Variants in SLIT3 observed in about 807,000 individuals in gnomAD.
The protein encoded by SLIT3 is slit homolog 3 protein.
A neutral mutation model predicts 184.0 loss-of-function variants in SLIT3; 68 were observed. The observed-to-expected ratio is 0.37, with a 90% CI of 0.30 to 0.45. The LOEUF is 0.45. SLIT3 is among the 20% of genes least tolerant of loss of function. The pLI is 1.00. For synonymous variants in SLIT3, 831 were observed against 828.6 expected (o/e 1.00, Z -0.05); for missense variants, 1,707 against 2,026.0 (o/e 0.84, Z 3.02).
intron 5 of SLIT3, among the ~76,000 whole-genome samples, chr5:168,859,672 A>G (rs3930161): frequency 0.047 from 7,179 of 152,320 alleles, 345 homozygotes; most frequent in African/African-American, 0.12. Context: ...CTACTTTTCA[A>G]TGAGACTAAA....
rs553696714 is a variant in SLIT3 at position 168,756,537 on chromosome 5, G to C, written c.1686-2530C>G. Among the ~76,000 whole-genome samples the C allele has an allele frequency of 4.9e-4, 75 of 152,300 alleles. No homozygotes were observed. The South Asian group carries it at 0.015, about 30-fold the overall frequency. ...AGCATTCCCAGCATCCCTCGCCCAAGGTCTGAGACAGTCAGCAGACTCGCA... is the reference window on the plus strand; with the variant it reads ...AGCATTCCCAGCATCCCTCGCCCAACGTCTGAGACAGTCAGCAGACTCGCA... On this transcript the variant is annotated intron_variant, in intron 16 of 35. Coordinates refer to ENST00000519560, the MANE Select transcript of SLIT3 (RefSeq NM_003062.4).
chr5:169,094,492 T>C (rs561555592), intron 4 of SLIT3, among the ~76,000 whole-genome samples: 283 of 152,276 alleles, frequency 1.9e-3, no homozygotes, highest in Admixed American at 3.3e-3. Flanking sequence ...TAGCCAGGCA[T>C]GGTGGTGCAC....
chr5:169,136,607 C>G (rs1279961924), intron 4 of SLIT3, among the ~76,000 whole-genome samples: 1 of 152,198 alleles, frequency 6.6e-6, no homozygotes, highest in Admixed American at 6.5e-5. Flanking sequence ...CTAACCTGAC[C>G]ATCATGGATG....
chr5:168,962,805 T>A (rs1310911147), intron 4 of SLIT3, among the ~76,000 whole-genome samples: 1 of 152,166 alleles, frequency 6.6e-6, no homozygotes, highest in East Asian at 1.9e-4. Flanking sequence ...GCACTTTCCC[T>A]CCTTGGGGCC....
At chr5:168,933,234 TCTG>T (rs1191053417) in intron 4 of SLIT3, among the ~76,000 whole-genome samples, 1 of 152,186 alleles carries the variant, frequency 6.6e-6, no homozygotes, top group Non-Finnish European at 1.5e-5. Flanking sequence ...GATCAGCATC[TCTG>T]CTAATTCTTA....
rs550069584 is a variant in SLIT3, at chr5:168,800,962, T to C, written c.936-5384A>G. Reference sequence around the variant, plus strand: ...TTAGTAGCTTCCAAACAGTTCTCCATGTTATGTTATTTAATCTTCACGGGA... The same window carrying C: ...TTAGTAGCTTCCAAACAGTTCTCCACGTTATGTTATTTAATCTTCACGGGA... On this transcript the variant is annotated intron_variant, in intron 9 of 35. Transcript: ENST00000519560. Among the ~76,000 whole-genome samples the C allele has an allele frequency of 5.3e-5, 8 of 152,378 alleles. No individual in the cohort carries two copies. In the East Asian group the frequency reaches 7.7e-4, roughly 15 times the overall value.
intron 4 of SLIT3, among the ~76,000 whole-genome samples, chr5:169,068,468 A>C (rs1452771496): frequency 6.6e-6 from 1 of 152,190 alleles, no homozygotes; most frequent in Non-Finnish European, 1.5e-5. Flanking sequence ...GCCTGGGGCC[A>C]AGTCAGAACA....
chr5:168,890,524 A>T (rs1273858167), intron 4 of SLIT3, among the ~76,000 whole-genome samples: 3 of 152,230 alleles, frequency 2.0e-5, no homozygotes, highest in African/African-American at 7.2e-5. Context: ...AACAAAATAC[A>T]CATTCATTCC....
At chr5:168,760,783 TC>T (rs548126218) in intron 16 of SLIT3, 78 bp downstream of exon 16, 12 of 1,046,672 alleles carry the variant, frequency 1.1e-5, no homozygotes, top group Middle Eastern at 2.3e-4. Context: ...GAGAGGCCGG[TC>T]CCCTGGTTCC....
At chr5:168,904,115 G>A (rs1055293188) in intron 4 of SLIT3, among the ~76,000 whole-genome samples, 10 of 152,096 alleles carry the variant, frequency 6.6e-5, no homozygotes, top group African/African-American at 1.4e-4. Flanking sequence ...TGTGTCCAGC[G>A]CCCTCCTCAT....
intron 20 of SLIT3, among the ~76,000 whole-genome samples, chr5:168,743,575 C>T (rs1311696410): frequency 6.6e-6 from 1 of 152,152 alleles, no homozygotes; most frequent in East Asian, 1.9e-4. Flanking sequence ...AGACAAAGTA[C>T]AATATTGAAA....
intron 27 of SLIT3, among the ~76,000 whole-genome samples, chr5:168,696,682 C>G (rs1295558135): frequency 6.6e-6 from 1 of 152,166 alleles, no homozygotes; most frequent in South Asian, 2.1e-4. Flanking sequence ...CTGGCTGCCT[C>G]GCTCTGGGGC....
At chr5:168,823,082 A>T (rs1165204456) in intron 7 of SLIT3, among the ~76,000 whole-genome samples, 178 bp downstream of exon 7, 1 of 152,064 alleles carries the variant, frequency 6.6e-6, no homozygotes, top group Non-Finnish European at 1.5e-5. Flanking sequence ...CCATGACCTG[A>T]CTCTACATCT....
chr5:169,007,452 A>G lies in SLIT3; in HGVS notation c.414-124116T>C, dbSNP rs141785862. ...AGGCAGTCCCTTTGGACCCAACCTT[A>G]TTCTACGTGCTTTTTGATCCAAAAC... On this transcript the variant is annotated intron_variant, in intron 4 of 35. Transcript: ENST00000519560. Among the ~76,000 whole-genome samples the G allele has an allele frequency of 5.9e-4, 90 of 152,336 alleles. No individual in the cohort carries two copies. In the East Asian group the frequency reaches 0.017, roughly 28 times the overall value.
chr5:169,202,395 T>C (rs1445391086), intron 3 of SLIT3, among the ~76,000 whole-genome samples: 1 of 152,164 alleles, frequency 6.6e-6, no homozygotes, highest in Admixed American at 6.6e-5. Flanking sequence ...AAAGAAACTC[T>C]TGAAGCAGAC....
chr5:169,140,846 C>T (rs1245796467), intron 4 of SLIT3, among the ~76,000 whole-genome samples: 3 of 152,132 alleles, frequency 2.0e-5, no homozygotes, highest in Non-Finnish European at 4.4e-5. Flanking sequence ...CCATACCCCT[C>T]TCCCATTCAA....
chr5:168,839,023 C>T (rs533502816), intron 6 of SLIT3, among the ~76,000 whole-genome samples: 5 of 152,260 alleles, frequency 3.3e-5, no homozygotes, highest in East Asian at 1.9e-4. Context: ...TTTTCACCCT[C>T]ATAGGCATAA....
At chr5:168,944,313 G>C (rs1762411356) in intron 4 of SLIT3, among the ~76,000 whole-genome samples, 1 of 152,134 alleles carries the variant, frequency 6.6e-6, no homozygotes, top group Admixed American at 6.5e-5. Flanking sequence ...GAGTGAGAGA[G>C]AGACAAAGGG....
At chr5:169,176,846 G>T (rs753668656) in intron 4 of SLIT3, among the ~76,000 whole-genome samples, 1 of 152,212 alleles carries the variant, frequency 6.6e-6, no homozygotes, top group Non-Finnish European at 1.5e-5. Flanking sequence ...TGAAGAACAT[G>T]CCCCTGGTGA....
Sources: allele counts gnomAD v4.1 joint callset (sites outside exome capture counted in the v4.1 genomes callset), GRCh38; gene constraint gnomAD v4.1.1; transcripts MANE v1.5; gene names NCBI Gene and HGNC (gene_info 2026-07-23, HGNC 2026-07-21).